The following HMGN5 variants were observed in gnomAD, a reference collection of about 807,000 sequenced individuals.
The protein encoded by HMGN5 is high mobility group nucleosome binding domain 5, also known as high mobility group nucleosome-binding domain-containing protein 5.
A neutral mutation model predicts 9.5 loss-of-function variants in HMGN5; 4 were observed. The ratio of observed to expected loss-of-function variants is 0.42; its 90% confidence interval spans 0.21 to 0.96. HMGN5 has a LOEUF of 0.96. Among genes scored for constraint, HMGN5 ranks in the 40% least tolerant of loss-of-function variants. HMGN5 has a pLI of 0.30. For missense variants in HMGN5, 192 were observed against 187.5 expected (o/e 1.02, Z -0.14); for synonymous variants, 55 against 57.1 (o/e 0.96, Z 0.16).
chrX:81,172,215 T>A (rs1376852769), intron 1 of HMGN5, among the ~76,000 whole-genome samples: 1 of 110,883 alleles, frequency 9.0e-6, no homozygotes, highest in Non-Finnish European at 1.9e-5. Context: ...AGAATAAACA[T>A]AAGAAACATA....
At chrX:81,167,941 T>C (rs756164452) in intron 1 of HMGN5, among the ~76,000 whole-genome samples, 2 of 112,224 alleles carry the variant, frequency 1.8e-5, no homozygotes, top group Non-Finnish European at 3.8e-5. Flanking sequence ...AACTTCTGCA[T>C]ACTGCAAAAG....
chrX:81,169,452 GA>G (rs1444740080), intron 1 of HMGN5, among the ~76,000 whole-genome samples: 1 of 111,431 alleles, frequency 9.0e-6, no homozygotes, highest in African/African-American at 3.3e-5. Flanking sequence ...TAACATGTCT[GA>G]GCATACTTGG....
intron 1 of HMGN5, among the ~76,000 whole-genome samples, chrX:81,148,910 A>G (rs764566313): frequency 1.8e-5 from 2 of 112,360 alleles, no homozygotes; most frequent in Non-Finnish European, 3.8e-5. Flanking sequence ...GAGAAATGCA[A>G]ATCAAAACCA....
At chrX:81,139,079 T>G (rs1203762831) in intron 1 of HMGN5, among the ~76,000 whole-genome samples, 1 of 112,388 alleles carries the variant, frequency 8.9e-6, no homozygotes, top group Non-Finnish European at 1.9e-5. Context: ...TAATTCTTAT[T>G]AAAATTTCAA....
chrX:81,173,158 A>G (rs2075431319), intron 1 of HMGN5, among the ~76,000 whole-genome samples: 1 of 111,028 alleles, frequency 9.0e-6, no homozygotes. Context: ...GTTATGGTAC[A>G]TTCATACAAT....
intron 1 of HMGN5, among the ~76,000 whole-genome samples, chrX:81,131,222 A>G (rs2075297016): frequency 8.9e-6 from 1 of 111,854 alleles, no homozygotes; most frequent in African/African-American, 3.2e-5. Context: ...GTATCCACAC[A>G]TTGAGAAGCA....
At chrX:81,144,173 G>A (rs976109665) in intron 1 of HMGN5, among the ~76,000 whole-genome samples, 2 of 111,387 alleles carry the variant, frequency 1.8e-5, no homozygotes, top group Non-Finnish European at 1.9e-5. Context: ...GCCTCCTCAG[G>A]TGGGTCCCTA....
intron 1 of HMGN5, among the ~76,000 whole-genome samples, chrX:81,143,432 C>T (rs1490753847): frequency 1.8e-5 from 2 of 112,189 alleles, no homozygotes. Flanking sequence ...GAGATTGATG[C>T]AGAAGGCAGG....
At chrX:81,171,412 A>G (rs1466691413) in intron 1 of HMGN5, among the ~76,000 whole-genome samples, 1 of 111,847 alleles carries the variant, frequency 8.9e-6, no homozygotes, top group Non-Finnish European at 1.9e-5. Context: ...TGTGTCAGGT[A>G]GCAGGTCAAT....
chrX:81,121,602 G>GA lies in HMGN5; in HGVS notation c.-54_-53insT. 1.0e-6 allele frequency: 1 copy of GA among 998,362 alleles called. No homozygotes were observed. The allele number at this position is 998,362 out of a possible 1,213,427, so 82.3% of individuals were successfully genotyped here. A position where few individuals can be genotyped will look rare whatever the true frequency, so the allele number is the denominator to read the frequency against. ...GTCAGCAGAAAAAAAGCCGAAGGCAGTCACTGCCTGACTGCTCCAAGAGCA... is the reference window on the plus strand; with the variant it reads ...GTCAGCAGAAAAAAAGCCGAAGGCAGATCACTGCCTGACTGCTCCAAGAGCA... On this transcript the variant is annotated 5_prime_UTR_variant, in exon 2 of 7. Coordinates refer to ENST00000358130, the MANE Select transcript of HMGN5 (RefSeq NM_030763.3).
At chrX:81,151,524 T>G (rs1046680189) in intron 1 of HMGN5, among the ~76,000 whole-genome samples, 3 of 109,792 alleles carry the variant, frequency 2.7e-5, no homozygotes, top group East Asian at 2.9e-4. Flanking sequence ...ATTGAATCTA[T>G]AAATTACCTT....
intron 1 of HMGN5, among the ~76,000 whole-genome samples, chrX:81,165,956 C>A (rs1397970943): frequency 2.7e-5 from 3 of 111,101 alleles, no homozygotes; most frequent in Non-Finnish European, 5.7e-5. Flanking sequence ...ATATTAGGAT[C>A]AGAACAGGAG....
At chrX:81,198,072 T>C (rs2075514345) in intron 1 of HMGN5, among the ~76,000 whole-genome samples, 1 of 111,522 alleles carries the variant, frequency 9.0e-6, no homozygotes, top group South Asian at 3.7e-4. Context: ...AGAGTGATCA[T>C]AAGCATGATG....
intron 1 of HMGN5, among the ~76,000 whole-genome samples, chrX:81,177,261 T>G: frequency 9.6e-6 from 1 of 103,926 alleles, no homozygotes; most frequent in Non-Finnish European, 1.9e-5. Flanking sequence ...GCTTCATAAG[T>G]GAAGGAGAAA....
At chrX:81,200,185 T>C (rs1362640736) in intron 1 of HMGN5, among the ~76,000 whole-genome samples, 1 of 112,166 alleles carries the variant, frequency 8.9e-6, no homozygotes, top group Non-Finnish European at 1.9e-5. Context: ...TACCATCTCA[T>C]GCTAGTTAGA....
At chrX:81,156,272 A>G (rs1428193362) in intron 1 of HMGN5, among the ~76,000 whole-genome samples, 1 of 112,348 alleles carries the variant, frequency 8.9e-6, no homozygotes, top group Non-Finnish European at 1.9e-5. Flanking sequence ...TACTATGTGA[A>G]TGTGATCTAA....
intron 1 of HMGN5, among the ~76,000 whole-genome samples, chrX:81,179,525 A>G (rs1454752594): frequency 1.8e-5 from 2 of 111,680 alleles, no homozygotes; most frequent in African/African-American, 6.5e-5. Flanking sequence ...AAGGAGAACT[A>G]CAAACCACTG....
At chrX:81,135,295 T>C (rs2075308263) in intron 1 of HMGN5, among the ~76,000 whole-genome samples, 1 of 111,187 alleles carries the variant, frequency 9.0e-6, no homozygotes, top group Admixed American at 9.6e-5. Context: ...ACAACCCAAT[T>C]TATAAATGGG....
chrX:81,159,056 A>G (rs1469088758), intron 1 of HMGN5, among the ~76,000 whole-genome samples: 2 of 111,838 alleles, frequency 1.8e-5, no homozygotes, highest in Admixed American at 9.5e-5. Flanking sequence ...TGCAGCTATA[A>G]AAAGGAATGA....
Sources: allele counts gnomAD v4.1 joint callset (sites outside exome capture counted in the v4.1 genomes callset), GRCh38; gene constraint gnomAD v4.1.1; transcripts MANE v1.5; gene names NCBI Gene and HGNC (gene_info 2026-07-23, HGNC 2026-07-21).